ULK4: variants seen among roughly 807,000 people sequenced by gnomAD.
The protein encoded by ULK4 is unc-51 like kinase 4, also known as inactive serine/threonine-protein kinase ULK4.
Under a neutral mutation model 160.6 loss-of-function variants are expected in ULK4, and 133 were observed. That is an observed-to-expected ratio of 0.83 (90% confidence interval 0.72 to 0.96). ULK4 has a LOEUF of 0.96. Among genes scored for constraint, ULK4 ranks in the 40% least tolerant of loss-of-function variants. ULK4 has a pLI of 0.00. For synonymous variants in ULK4, 534 were observed against 539.8 expected (o/e 0.99, Z 0.15); for missense variants, 1,580 against 1,499.5 (o/e 1.05, Z -0.89).
chr3:41,569,199 T>C (rs1338141055), intron 31 of ULK4, among the ~76,000 whole-genome samples: 1 of 152,146 alleles, frequency 6.6e-6, no homozygotes, highest in Non-Finnish European at 1.5e-5. Flanking sequence ...ATGGAAGTTT[T>C]GTTATGTAGG....
At chr3:41,758,113 C>T (rs1205969848) in intron 21 of ULK4, among the ~76,000 whole-genome samples, 2 of 152,008 alleles carry the variant, frequency 1.3e-5, no homozygotes, top group African/African-American at 2.4e-5. Context: ...GTTTATTTAC[C>T]CCTTCCAACA....
At chr3:41,390,712 T>C (rs1195503619) in intron 35 of ULK4, among the ~76,000 whole-genome samples, 6 of 152,232 alleles carry the variant, frequency 3.9e-5, no homozygotes, top group African/African-American at 1.4e-4. Context: ...TCTAGTTTGA[T>C]TTCACTGTGG....
At chr3:41,648,312 C>A (rs950824452) in intron 30 of ULK4, among the ~76,000 whole-genome samples, 2 of 152,102 alleles carry the variant, frequency 1.3e-5, no homozygotes, top group Admixed American at 6.5e-5. Context: ...AGCTGTAGAC[C>A]GGAGCTGTTC....
chr3:41,326,355 C>T (rs1056428175), intron 35 of ULK4, among the ~76,000 whole-genome samples: 1 of 152,078 alleles, frequency 6.6e-6, no homozygotes, highest in African/African-American at 2.4e-5. Flanking sequence ...GAAATGCCTG[C>T]CCGCTACAAT....
At chr3:41,506,767 A>AAAAAAAAAAAATATATATATATATAT in intron 32 of ULK4, among the ~76,000 whole-genome samples, 3 of 56,794 alleles carry the variant, frequency 5.3e-5, no homozygotes, top group African/African-American at 1.6e-4. Flanking sequence ...TGTGATTTAA[A>AAAAAAAAAAAATATATATATATATAT]ATATATATAT....
intron 25 of ULK4, among the ~76,000 whole-genome samples, chr3:41,706,348 AAT>A (rs545860849): frequency 6.9e-6 from 1 of 144,382 alleles, no homozygotes; most frequent in Non-Finnish European, 1.5e-5. Flanking sequence ...TAAACAAAAT[AAT>A]ATATATATAT....
At chr3:41,881,751 T>A (rs1697530517) in intron 17 of ULK4, among the ~76,000 whole-genome samples, 1 of 152,062 alleles carries the variant, frequency 6.6e-6, no homozygotes, top group African/African-American at 2.4e-5. Context: ...TAATAAAGCA[T>A]CAGCAAATAC....
intron 2 of ULK4, among the ~76,000 whole-genome samples, chr3:41,941,755 C>CAAAAAAAAAAAAAAAAAAAAAAAAAA (rs565727539): frequency 3.3e-5 from 1 of 30,730 alleles, no homozygotes; most frequent in African/African-American, 8.1e-5. Flanking sequence ...GACTCTGTCT[C>CAAAAAAAAAAAAAAAAAAAAAAAAAA]AAAAAAAAAA....
At chr3:41,422,015 A>G (rs946653372) in intron 34 of ULK4, among the ~76,000 whole-genome samples, 1 of 151,874 alleles carries the variant, frequency 6.6e-6, no homozygotes, top group Non-Finnish European at 1.5e-5. Context: ...TCTGGTATTT[A>G]CCCTTTAAAC....
At chr3:41,279,758 C>T (rs2079313634) in intron 35 of ULK4, among the ~76,000 whole-genome samples, 1 of 152,122 alleles carries the variant, frequency 6.6e-6, no homozygotes, top group Non-Finnish European at 1.5e-5. Flanking sequence ...CAAACAAATG[C>T]TGAGAGATTT....
intron 19 of ULK4, 102 bp from the exon 20 acceptor site, chr3:41,800,395 T>TCCAGAG: frequency 8.7e-7 from 1 of 1,152,294 alleles, no homozygotes; most frequent in Non-Finnish European, 1.2e-6. Context: ...GACAGTAACA[T>TCCAGAG]GCCTCTGGAT....
At chr3:41,321,255 A>G (rs2080239547) in intron 35 of ULK4, among the ~76,000 whole-genome samples, 1 of 152,036 alleles carries the variant, frequency 6.6e-6, no homozygotes, top group African/African-American at 2.4e-5. Context: ...CCTGTTGGAA[A>G]CTCAGCATTA....
At chr3:41,710,978 A>T (rs1304691297) in intron 25 of ULK4, among the ~76,000 whole-genome samples, 1 of 152,096 alleles carries the variant, frequency 6.6e-6, no homozygotes, top group East Asian at 1.9e-4. Context: ...GCTGAAAATC[A>T]GGGGTGGTGG....
intron 34 of ULK4, among the ~76,000 whole-genome samples, chr3:41,414,895 T>C (rs1316810408): frequency 2.0e-5 from 3 of 152,204 alleles, no homozygotes; most frequent in Admixed American, 2.0e-4. Context: ...TATTTTTAAA[T>C]GTGGGAATTT....
At chr3:41,694,740 G>A (rs868557542) in intron 27 of ULK4, among the ~76,000 whole-genome samples, 13 of 152,270 alleles carry the variant, frequency 8.5e-5, no homozygotes, top group African/African-American at 2.6e-4. Context: ...GTAAGTGCCA[G>A]CTAAATAGTT....
intron 18 of ULK4, among the ~76,000 whole-genome samples, chr3:41,823,654 C>G (rs564828574): frequency 6.6e-6 from 1 of 152,270 alleles, no homozygotes; most frequent in Admixed American, 6.5e-5. Flanking sequence ...ATCACTTCAG[C>G]TCAGTACCAA....
intron 16 of ULK4, among the ~76,000 whole-genome samples, chr3:41,893,963 G>A (rs1206683293): frequency 6.6e-6 from 1 of 152,100 alleles, no homozygotes; most frequent in African/African-American, 2.4e-5. Context: ...AATGGAGAAA[G>A]AATAAAAGAG....
At chr3:41,876,236 C>G (rs1196381910) in intron 17 of ULK4, among the ~76,000 whole-genome samples, 5 of 152,158 alleles carry the variant, frequency 3.3e-5, no homozygotes, top group East Asian at 3.9e-4. Flanking sequence ...CAAGTTGTTT[C>G]TTATAATGAT....
intron 17 of ULK4, among the ~76,000 whole-genome samples, chr3:41,868,475 A>G (rs1559619166): frequency 6.6e-6 from 1 of 152,034 alleles, no homozygotes; most frequent in African/African-American, 2.4e-5. Flanking sequence ...TAAACTGTAT[A>G]TAGCTAGGTT....
Sources: allele counts gnomAD v4.1 joint callset (sites outside exome capture counted in the v4.1 genomes callset), GRCh38; gene constraint gnomAD v4.1.1; transcripts MANE v1.5; gene names NCBI Gene and HGNC (gene_info 2026-07-23, HGNC 2026-07-21).